ABR: variants seen among roughly 807,000 people sequenced by gnomAD.
ABR encodes the protein ABR activator of RhoGEF and GTPase, also known as active breakpoint cluster region-related protein.
Under a neutral mutation model 107.2 loss-of-function variants are expected in ABR, and 35 were observed. That is an observed-to-expected ratio of 0.33 (90% CI 0.25 to 0.43). The LOEUF (loss-of-function observed/expected upper bound fraction) is 0.43. ABR is among the 20% of genes least tolerant of loss of function. ABR has a pLI of 1.00. For missense variants in ABR, 815 were observed against 1,115.2 expected (o/e 0.73, Z 3.83); for synonymous variants, 498 against 462.0 (o/e 1.08, Z -1.00).
chr17:1,026,432 C>A (rs1042220167), intron 16 of ABR, among the ~76,000 whole-genome samples: 1 of 152,180 alleles, frequency 6.6e-6, no homozygotes, highest in African/African-American at 2.4e-5. Context: ...GTACCAGCCC[C>A]GGCTGGGGTC....
At chr17:1,022,475 AC>A (rs2071774997) in intron 16 of ABR, 1 of 153,380 alleles carries the variant, frequency 6.5e-6, no homozygotes, top group Admixed American at 6.5e-5. Flanking sequence ...AGTTGCCAAG[AC>A]CCTGCCTCTC....
chr17:1,179,299 C>T lies in ABR; in HGVS notation c.61+368G>A, dbSNP rs577329962. The stretch of plus-strand genomic sequence containing the variant: ...GAAGCTGCCGGTCCAGGGGCGGGGG[C>T]AGCACCCAGAAGGGCCTCCCTCCCC... On this transcript the variant is annotated intron_variant, in intron 1 of 22. Coordinates refer to ENST00000302538, the MANE Select transcript of ABR (RefSeq NM_021962.5). This position sits in a 1 kb window ranked among gnomAD's most constrained non-coding sequence, Gnocchi z 4.9. Among the ~76,000 whole-genome samples, 291 of 152,192 alleles carry T rather than the reference C, an allele frequency of 1.9e-3. No individual in the cohort carries two copies. Among genetic ancestry groups the T allele is most frequent in the Non-Finnish European group, 3.4e-3 (230 of 67,986 alleles).
intron 1 of ABR, among the ~76,000 whole-genome samples, chr17:1,213,072 G>A (rs2042934687): frequency 6.6e-6 from 1 of 152,174 alleles, no homozygotes; most frequent in Non-Finnish European, 1.5e-5. Flanking sequence ...CACGCACAGA[G>A]CTTTCTCCAA....
Position 1,070,644 on chromosome 17 carries a change from G to C in ABR, c.895-554C>G, listed in dbSNP as rs898811109. Among the ~76,000 whole-genome samples the C allele has an allele frequency of 1.3e-5, 2 of 151,948 alleles. No homozygotes were observed. Among genetic ancestry groups the C allele is most frequent in the African/African-American group, 2.4e-5 (1 of 41,364 alleles). ...GGCTTCTCCAGCCCCCTGGGGATGAGACCTGGGCCCTCCAGCCTGGGACTG... is the reference window on the plus strand; with the variant it reads ...GGCTTCTCCAGCCCCCTGGGGATGACACCTGGGCCCTCCAGCCTGGGACTG... On this transcript the variant is annotated intron_variant, in intron 8 of 22. Coordinates refer to ENST00000302538, the MANE Select transcript of ABR (RefSeq NM_021962.5). The surrounding 1 kb of genome is among the most constrained non-coding windows in gnomAD (Gnocchi z 4.2).
rs1473947086 is a variant in ABR, at chr17:1,031,558, C to T, written c.1792-18394G>A. The T allele has an allele frequency of 1.3e-5, 13 of 1,037,812 alleles. No homozygotes were observed. The East Asian group carries it at 1.3e-4, about 11-fold the overall frequency. The allele number at this position is 1,037,812 out of a possible 1,614,324, so 64.3% of individuals were successfully genotyped here. A position where few individuals can be genotyped will look rare whatever the true frequency, so the allele number is the denominator to read the frequency against. On this transcript the variant is annotated intron_variant, in intron 16 of 22. Coordinates refer to ENST00000302538, the MANE Select transcript of ABR (RefSeq NM_021962.5). The stretch of plus-strand genomic sequence containing the variant: ...AGCCCCCCGAGCCCCGCAGCGCCCC[C>T]GAGCCCCCACCCCCCGGAACCTCCA...
intron 2 of ABR, chr17:1,101,061 T>C (rs2037831320): frequency 3.1e-6 from 1 of 318,074 alleles, no homozygotes; most frequent in Non-Finnish European, 6.0e-6. Context: ...TGACCTCAGG[T>C]GATCCACCCA....
At chr17:1,171,285 G>A (rs1465907200) in intron 1 of ABR, among the ~76,000 whole-genome samples, 1 of 152,186 alleles carries the variant, frequency 6.6e-6, no homozygotes, top group African/African-American at 2.4e-5. Context: ...CCGCTGCCCA[G>A]GAGGAAGGGG....
intron 2 of ABR, among the ~76,000 whole-genome samples, chr17:1,116,721 G>T (rs1597870321): frequency 8.6e-6 from 1 of 116,112 alleles, no homozygotes; most frequent in African/African-American, 3.5e-5. Context: ...GAGCCTCAGT[G>T]TCTTCATCTA....
chr17:1,129,176 G>A (rs113535074), intron 1 of ABR, among the ~76,000 whole-genome samples: 7 of 152,196 alleles, frequency 4.6e-5, no homozygotes, highest in African/African-American at 1.7e-4. Flanking sequence ...ACTGGGGCCT[G>A]TTGGAGGGTG....
intron 16 of ABR, among the ~76,000 whole-genome samples, chr17:1,049,394 C>T (rs545835163): frequency 1.5e-4 from 23 of 152,234 alleles, no homozygotes; most frequent in African/African-American, 5.5e-4. Context: ...TCTCGAACTC[C>T]TGACCTCGTG....
intron 2 of ABR, among the ~76,000 whole-genome samples, chr17:1,102,248 G>A (rs1487980957): frequency 6.6e-6 from 1 of 152,170 alleles, no homozygotes; most frequent in Non-Finnish European, 1.5e-5. Flanking sequence ...TTTACCTGCT[G>A]CCTAAAATGC....
At chr17:1,073,466 C>G (rs1014671954) in intron 7 of ABR, among the ~76,000 whole-genome samples, 159 bp downstream of exon 7, 1 of 152,020 alleles carries the variant, frequency 6.6e-6, no homozygotes, top group South Asian at 2.1e-4. Context: ...CCTAGCCTGG[C>G]GGCATGGATA....
chr17:1,204,109 GGATT>G (rs2042742215), intron 1 of ABR, among the ~76,000 whole-genome samples: 1 of 152,210 alleles, frequency 6.6e-6, no homozygotes, highest in South Asian at 2.1e-4. Context: ...CAGGGCTCCT[GGATT>G]CCACCAGGGG....
intron 1 of ABR, among the ~76,000 whole-genome samples, chr17:1,194,126 G>A (rs181273607): frequency 3.0e-4 from 45 of 152,100 alleles, no homozygotes; most frequent in Non-Finnish European, 3.4e-4. Flanking sequence ...TTGAACATGA[G>A]GTTTGTACCT....
intron 1 of ABR, chr17:1,228,258 C>T (rs1278259663): frequency 6.6e-6 from 1 of 152,294 alleles, no homozygotes; most frequent in Non-Finnish European, 1.5e-5. Context: ...GGCCGTGGCC[C>T]TTCCCTGAAG....
chr17:1,117,854 AT>A (rs1303200870), intron 2 of ABR, among the ~76,000 whole-genome samples: 4 of 24,214 alleles, frequency 1.7e-4, no homozygotes, highest in Non-Finnish European at 2.3e-4. Flanking sequence ...TCCCAGCGTT[AT>A]TGCCTGAGCC....
rs2042644273 is a variant in ABR at position 1,200,128 on chromosome 17, A to C, written c.838+28665T>G. 6.6e-6 allele frequency among the ~76,000 whole-genome samples: 1 copy of C among 151,978 alleles called. No homozygotes were observed. ...AGATTCAACCAACCACAGATCAAAA[A>C]TATTTGGGAGGAAAACAATTAAAAA... On this transcript the variant is annotated intron_variant, in intron 1 of 22. Coordinates refer to the ABR transcript ENST00000574139. The surrounding 1 kb of genome is among the most constrained non-coding windows in gnomAD (Gnocchi z 4.1).
chr17:1,005,537 T>G lies in ABR; in HGVS notation c.*543A>C. 1 of 197,872 alleles carries G rather than the reference T, an allele frequency of 5.1e-6. No individual in the cohort carries two copies. Among genetic ancestry groups the G allele is most frequent in the Non-Finnish European group, 1.0e-5 (1 of 98,506 alleles). 12.3% of individuals were successfully genotyped at this position (197,872 alleles called of 1,614,324 possible). On this transcript the variant is annotated 3_prime_UTR_variant, in exon 23 of 23. Coordinates refer to ENST00000302538, the MANE Select transcript of ABR (RefSeq NM_021962.5). ...GCAACCCAGGGCCTCTTCAGAGCTTTCAAGGCGATGGAGCGAAGACCAAGG... is the reference window on the plus strand; with the variant it reads ...GCAACCCAGGGCCTCTTCAGAGCTTGCAAGGCGATGGAGCGAAGACCAAGG...
intron 1 of ABR, among the ~76,000 whole-genome samples, chr17:1,165,526 A>C (rs1188952506): frequency 1.3e-5 from 2 of 152,112 alleles, no homozygotes; most frequent in Non-Finnish European, 2.9e-5. Flanking sequence ...CCAGAGTGAA[A>C]ACTTTCTTTT....
Sources: allele counts gnomAD v4.1 joint callset (sites outside exome capture counted in the v4.1 genomes callset), GRCh38; gene constraint gnomAD v4.1.1; non-coding constraint Gnocchi (gnomAD v3.1); transcripts MANE v1.5; gene names NCBI Gene and HGNC (gene_info 2026-07-23, HGNC 2026-07-21).